Variants in CDK8 observed in about 807,000 individuals in gnomAD.
CDK8 encodes cyclin-dependent kinase 8.
Under a neutral mutation model 71.5 loss-of-function variants are expected in CDK8, and 29 were observed. The ratio of observed to expected loss-of-function variants is 0.41; its 90% confidence interval spans 0.30 to 0.55. The LOEUF (loss-of-function observed/expected upper bound fraction) is 0.55. Among genes scored for constraint, CDK8 ranks in the 20% least tolerant of loss-of-function variants. CDK8 has a pLI of 0.37. For synonymous variants in CDK8, 161 were observed against 192.1 expected (o/e 0.84, Z 1.34); for missense variants, 288 against 572.6 (o/e 0.50, Z 5.07).
intron 4 of CDK8, among the ~76,000 whole-genome samples, chr13:26,366,355 A>AT (rs1468112619): frequency 2.0e-5 from 3 of 152,156 alleles, no homozygotes; most frequent in Non-Finnish European, 2.9e-5. Flanking sequence ...ATTTTTATAA[A>AT]TTTTGTTTGA....
At chr13:26,354,816 C>A (rs79144310) in intron 4 of CDK8, among the ~76,000 whole-genome samples, 1 of 152,150 alleles carries the variant, frequency 6.6e-6, no homozygotes, top group Non-Finnish European at 1.5e-5. Context: ...GCTGGTCTAG[C>A]ATATTATTAT....
intron 1 of CDK8, among the ~76,000 whole-genome samples, chr13:26,267,459 T>A (rs914781223): frequency 6.6e-6 from 1 of 152,208 alleles, no homozygotes; most frequent in African/African-American, 2.4e-5. Context: ...TTAGGGATAA[T>A]TATTACCAGT....
At chr13:26,270,954 A>G (rs1872290612) in intron 1 of CDK8, among the ~76,000 whole-genome samples, 1 of 152,178 alleles carries the variant, frequency 6.6e-6, no homozygotes, top group Admixed American at 6.5e-5. Flanking sequence ...CCAGGGTTGC[A>G]ATTTCTCCAC....
chr13:26,382,756 T>C, intron 4 of CDK8, 58 bp from the exon 5 acceptor site: 1 of 996,988 alleles, frequency 1.0e-6, no homozygotes, highest in Non-Finnish European at 1.5e-6. Flanking sequence ...TGGCATATTG[T>C]CTATTTAAAA....
chr13:26,398,779 C>T (rs1876111502), intron 9 of CDK8, among the ~76,000 whole-genome samples: 1 of 151,900 alleles, frequency 6.6e-6, no homozygotes, highest in South Asian at 2.1e-4. Context: ...TGAGACCATC[C>T]TGGCCAATGT....
intron 1 of CDK8, among the ~76,000 whole-genome samples, chr13:26,317,568 A>G (rs1285467102): frequency 1.3e-5 from 2 of 152,234 alleles, no homozygotes; most frequent in African/African-American, 2.4e-5. Flanking sequence ...ATAGTTTTTT[A>G]AAGATAGATA....
In CDK8 at chr13:26,398,055, CT is replaced by C. The variant is rs377233211; in HGVS notation, c.933+831del. Among the ~76,000 whole-genome samples, 670 of 152,244 alleles carry C rather than the reference CT, an allele frequency of 4.4e-3. 5 individuals carry two copies. The highest frequency in any genetic ancestry group is 0.015 in the African/African-American group (632 of 41,566). On this transcript the variant is annotated intron_variant, in intron 9 of 12. Coordinates refer to ENST00000381527, the MANE Select transcript of CDK8 (RefSeq NM_001260.3). Reference sequence around the variant, plus strand: ...CCAGGCCATTTGGCAAACATTTCTTCTGTTCTTCCTTTGTTTCTCCTTTTTC... The same window carrying C: ...CCAGGCCATTTGGCAAACATTTCTTCGTTCTTCCTTTGTTTCTCCTTTTTC...
chr13:26,385,202 A>G lies in CDK8; in HGVS notation c.515-9A>G, dbSNP rs772661415. The G allele has an allele frequency of 3.8e-6, 6 of 1,584,284 alleles. No individual in the cohort carries two copies. The African/African-American group carries it at 6.9e-5, about 18-fold the overall frequency. ...TACTTAGCATGATTTTTTTTTTATT[A>G]TTTTACAGCTGACATGGGCTTTGCC... On this transcript the variant is annotated splice_polypyrimidine_tract_variant and intron_variant, in intron 5 of 12. Coordinates refer to ENST00000381527, the MANE Select transcript of CDK8 (RefSeq NM_001260.3).
At chr13:26,403,886 C>T (rs1225339402) in intron 12 of CDK8, 70 bp from the exon 13 acceptor site, 1 of 1,554,102 alleles carries the variant, frequency 6.4e-7, no homozygotes, top group Admixed American at 1.7e-5. Context: ...AATGACACTT[C>T]AGTCACATAT....
intron 1 of CDK8, among the ~76,000 whole-genome samples, chr13:26,336,592 C>G (rs1189121055): frequency 1.5e-5 from 2 of 131,398 alleles, no homozygotes; most frequent in African/African-American, 5.8e-5. Context: ...CTCGCTCTGT[C>G]GCCCAGGCTG....
rs1871417719 is a variant in CDK8, at chr13:26,254,392, G to C, written c.-250G>C. On this transcript the variant is annotated 5_prime_UTR_variant, in exon 1 of 13. Coordinates refer to ENST00000381527, the MANE Select transcript of CDK8 (RefSeq NM_001260.3). This position sits in a 1 kb window ranked among gnomAD's most constrained non-coding sequence, Gnocchi z 6.7. ...CCCCACCCCCAGCCCTCGTCCCTCG[G>C]CTCTCCTTCGCCGGGGGATCCTCCC... The C allele has an allele frequency of 2.7e-6, 1 of 365,496 alleles. No individual in the cohort carries two copies. Among genetic ancestry groups the C allele is most frequent in the Non-Finnish European group, 5.1e-6 (1 of 197,486 alleles). 22.6% of individuals were successfully genotyped at this position (365,496 alleles called of 1,614,324 possible). A position where few individuals can be genotyped will look rare whatever the true frequency, so the allele number is the denominator to read the frequency against.
intron 1 of CDK8, among the ~76,000 whole-genome samples, chr13:26,333,452 T>G (rs1445139557): frequency 6.6e-6 from 1 of 152,166 alleles, no homozygotes; most frequent in African/African-American, 2.4e-5. Context: ...TATGCTGTAT[T>G]TTTTTACTGT....
chr13:26,403,504 A>G (rs1283024161), intron 12 of CDK8, among the ~76,000 whole-genome samples: 2 of 152,220 alleles, frequency 1.3e-5, no homozygotes, highest in African/African-American at 4.8e-5. Context: ...AATGCCAAAG[A>G]AATGGATTCT....
At chr13:26,371,663 T>A (rs1874693189) in intron 4 of CDK8, among the ~76,000 whole-genome samples, 1 of 152,184 alleles carries the variant, frequency 6.6e-6, no homozygotes, top group Non-Finnish European at 1.5e-5. Context: ...TCGCCCATGC[T>A]GGAGTGCAAT....
intron 1 of CDK8, among the ~76,000 whole-genome samples, chr13:26,295,830 T>G (rs1327186139): frequency 6.6e-6 from 1 of 152,192 alleles, no homozygotes; most frequent in African/African-American, 2.4e-5. Context: ...TATGACTGTA[T>G]GAGGTCTCAA....
chr13:26,267,676 C>T (rs749249967), intron 1 of CDK8, among the ~76,000 whole-genome samples: 5 of 152,102 alleles, frequency 3.3e-5, no homozygotes, highest in South Asian at 4.1e-4. Flanking sequence ...ATCAGTTCAT[C>T]GTTTTGTTTT....
At chr13:26,392,473 G>A (rs1281057839) in intron 6 of CDK8, among the ~76,000 whole-genome samples, 3 of 151,592 alleles carry the variant, frequency 2.0e-5, no homozygotes, top group Non-Finnish European at 2.9e-5. Flanking sequence ...GACTATAGCC[G>A]CGTGCCGCCA....
intron 4 of CDK8, 95 bp from the exon 5 acceptor site, chr13:26,382,719 T>A: frequency 1.4e-6 from 1 of 721,424 alleles, no homozygotes; most frequent in South Asian, 2.3e-5. Context: ...TAAATGAGAT[T>A]TTTTAAAAGG....
intron 4 of CDK8, among the ~76,000 whole-genome samples, chr13:26,368,718 T>C (rs1874512198): frequency 6.6e-6 from 1 of 152,218 alleles, no homozygotes; most frequent in African/African-American, 2.4e-5. Flanking sequence ...CTATTAGATA[T>C]GATATTTACT....
Sources: gnomAD v4.1 joint callset for allele counts (sites outside exome capture counted in the v4.1 genomes callset) on GRCh38, gnomAD v4.1.1 for gene constraint, Gnocchi (gnomAD v3.1) non-coding constraint, MANE v1.5 for transcripts, NCBI Gene and HGNC (gene_info 2026-07-23, HGNC 2026-07-21) for gene names.